Variants in CBLIF observed in about 807,000 individuals in gnomAD.
The protein encoded by CBLIF is cobalamin binding intrinsic factor, also known as gastric intrinsic factor (vitamin B synthesis).
Under a neutral mutation model 44.9 loss-of-function variants are expected in CBLIF, and 24 were observed. The ratio of observed to expected loss-of-function variants is 0.53; its 90% CI spans 0.39 to 0.75. CBLIF has a LOEUF of 0.75. CBLIF is among the 30% of genes least tolerant of loss of function. The pLI is 0.00. For missense variants in CBLIF, 481 were observed against 513.0 expected, an observed-to-expected ratio of 0.94 and a Z score of 0.60; for synonymous variants, 183 against 190.9, an observed-to-expected ratio of 0.96 and a Z score of 0.34.
chr11:59,838,806 C>G (rs958366731), intron 5 of CBLIF, among the ~76,000 whole-genome samples: 1 of 151,982 alleles, frequency 6.6e-6, no homozygotes, highest in Non-Finnish European at 1.5e-5. Flanking sequence ...TAATAACTTT[C>G]CATCAAGAAG....
chr11:59,834,249 TTTCTTTCTTTCTTTC>T (rs1866414297), intron 7 of CBLIF, among the ~76,000 whole-genome samples: 1 of 80,954 alleles, frequency 1.2e-5, no homozygotes, highest in African/African-American at 4.9e-5. Flanking sequence ...TTTTTCTTTC[TTTCTTTCTTTCTTTC>T]TTTCTTTCTT....
intron 1 of CBLIF, among the ~76,000 whole-genome samples, 156 bp from the exon 2 acceptor site, chr11:59,844,211 C>G (rs1385793849): frequency 6.6e-6 from 1 of 152,072 alleles, no homozygotes; most frequent in Non-Finnish European, 1.5e-5. Context: ...GATCTCGGCT[C>G]ACTGCAAACT....
intron 4 of CBLIF, 114 bp from the exon 5 acceptor site, chr11:59,841,438 G>T: frequency 1.3e-6 from 1 of 780,336 alleles, no homozygotes; most frequent in Non-Finnish European, 2.2e-6. Context: ...TTGCTCCTCA[G>T]AACAACCTGT....
At chr11:59,831,357 A>G (rs1866371292) in intron 8 of CBLIF, among the ~76,000 whole-genome samples, 1 of 152,084 alleles carries the variant, frequency 6.6e-6, no homozygotes, top group Non-Finnish European at 1.5e-5. Flanking sequence ...TTGATTATCC[A>G]CTTTTACATT....
At position 59,843,941 on chromosome 11, in the gene CBLIF, C is replaced by T; in HGVS notation, c.194G>A (p.Gly65Glu). The change falls in exon 2 of 9, where the codon GGA (glycine) becomes GAA (glutamate). Residue 65 changes from glycine (G) to glutamate (E), a missense_variant. By Grantham distance (98) the Gly-to-Glu change is moderately conservative. Transcript: ENST00000257248. Reference protein sequence around the residue: ...PSILIAMNLAGAYNLKAQKLL... With the variant: ...PSILIAMNLAEAYNLKAQKLL... ...CTTCTGGGCCTTCAAGTTGTAGGCTCCGGCCAGATTCATGGCAATCAGGAT... is the reference window on the plus strand; with the variant it reads ...CTTCTGGGCCTTCAAGTTGTAGGCTTCGGCCAGATTCATGGCAATCAGGAT... The T allele has an allele frequency of 6.2e-7, 1 of 1,613,530 alleles. No homozygotes were observed. The highest frequency in any genetic ancestry group is 8.5e-7 in the Non-Finnish European group (1 of 1,179,584).
intron 4 of CBLIF, 86 bp downstream of exon 4, chr11:59,842,357 C>A: frequency 6.9e-7 from 1 of 1,454,924 alleles, no homozygotes; most frequent in Non-Finnish European, 9.6e-7. Flanking sequence ...ATGGGACGCT[C>A]TCCTTTGTCA....
At position 59,837,300 on chromosome 11, in the gene CBLIF, T is replaced by C. The variant is rs1866468369; in HGVS notation, c.745A>G (p.Thr249Ala). 1 of 1,613,418 alleles carries C rather than the reference T, an allele frequency of 6.2e-7. No individual in the cohort carries two copies. Among genetic ancestry groups the C allele is most frequent in the Non-Finnish European group, 8.5e-7 (1 of 1,179,350 alleles). ...PSKKEWNCKKTTDMILNEIKQ... is the reference protein window; with the variant it reads ...PSKKEWNCKKATDMILNEIKQ... ...ATCTCATTGAGTATCATATCCGTAG[T>C]CTTCTTGCAGTTCCATTCCTTTTTA... Residue 249 changes from threonine (T) to alanine (A), a missense_variant, in exon 6 of 9, where the codon ACT becomes GCT. Thr to Ala is a moderately conservative substitution (Grantham distance 58). Coordinates refer to ENST00000257248, the MANE Select transcript of CBLIF (RefSeq NM_005142.3).
chr11:59,830,287 A>T (rs1437243929), intron 8 of CBLIF, among the ~76,000 whole-genome samples: 3 of 133,678 alleles, frequency 2.2e-5, no homozygotes, highest in Non-Finnish European at 4.6e-5. Context: ...CCCAAGCTGG[A>T]GTGCAGTGGT....
intron 8 of CBLIF, among the ~76,000 whole-genome samples, chr11:59,830,468 A>C (rs1333978947): frequency 1.3e-5 from 2 of 151,356 alleles, no homozygotes; most frequent in Non-Finnish European, 2.9e-5. Flanking sequence ...TGATCTCCTG[A>C]CCTCCTGATC....
intron 6 of CBLIF, among the ~76,000 whole-genome samples, chr11:59,836,809 A>C (rs1291870601): frequency 6.6e-6 from 1 of 152,232 alleles, no homozygotes; most frequent in Non-Finnish European, 1.5e-5. Flanking sequence ...ACTTTGTGAA[A>C]GGCAGATATG....
intron 5 of CBLIF, among the ~76,000 whole-genome samples, chr11:59,837,817 G>A (rs1423674582): frequency 1.3e-5 from 2 of 152,144 alleles, no homozygotes; most frequent in Non-Finnish European, 2.9e-5. Context: ...CTCATGACCT[G>A]GACTGGGCTG....
At chr11:59,835,211 T>C (rs1167304911) in intron 7 of CBLIF, among the ~76,000 whole-genome samples, 1 of 151,596 alleles carries the variant, frequency 6.6e-6, no homozygotes, top group African/African-American at 2.4e-5. Flanking sequence ...AATGGCATGA[T>C]CTCGGCTCAC....
chr11:59,833,273 T>C (rs552452821), intron 7 of CBLIF, among the ~76,000 whole-genome samples: 2 of 152,278 alleles, frequency 1.3e-5, no homozygotes, highest in South Asian at 4.1e-4. Context: ...TCCCAGCACT[T>C]TGGGAGGCTG....
chr11:59,841,125 C>T lies in CBLIF; in HGVS notation c.693+18G>A, dbSNP rs767669574. ...TTATTGGCAGGAACCCAACCAAGAG[C>T]ATCCAGCACGTGTTTACCTGCATGG... On this transcript the variant is annotated intron_variant, in intron 5 of 8. Coordinates refer to ENST00000257248, the MANE Select transcript of CBLIF (RefSeq NM_005142.3). 24 of 1,592,534 alleles carry T rather than the reference C, an allele frequency of 1.5e-5. 1 individual carries two copies. The South Asian group carries it at 2.6e-4, about 18-fold the overall frequency.
chr11:59,836,567 AG>A (rs1483152953), intron 6 of CBLIF, among the ~76,000 whole-genome samples: 2 of 152,198 alleles, frequency 1.3e-5, no homozygotes, highest in South Asian at 2.1e-4. Context: ...GTGGCATGCT[AG>A]GTTTCCACTC....
At chr11:59,832,999 C>G (rs1866391254) in intron 7 of CBLIF, among the ~76,000 whole-genome samples, 1 of 152,028 alleles carries the variant, frequency 6.6e-6, no homozygotes, top group South Asian at 2.1e-4. Flanking sequence ...ATGGATCACA[C>G]CTATTTGTAA....
At chr11:59,829,592 C>T (rs755560677) in intron 8 of CBLIF, 47 bp from the exon 9 acceptor site, 1 of 1,136,650 alleles carries the variant, frequency 8.8e-7, no homozygotes, top group South Asian at 1.2e-5. Context: ...GTGCATGTAA[C>T]CACCTCCATC....
At position 59,845,467 on chromosome 11, in the gene CBLIF, C is replaced by G. The variant is rs756597275; in HGVS notation, c.-14G>C. 2 of 1,560,348 alleles carry G rather than the reference C, an allele frequency of 1.3e-6. No individual in the cohort carries two copies. The highest frequency in any genetic ancestry group is 1.4e-5 in the African/African-American group (1 of 73,976). ...AAACCAGGCCATCTCACTCTCTCGT[C>G]TATGTCTCTCATCCACAGGTACCGC... On this transcript the variant is annotated 5_prime_UTR_variant, in exon 1 of 9. Transcript: ENST00000257248.
At chr11:59,841,670 A>C (rs1303209597) in intron 4 of CBLIF, among the ~76,000 whole-genome samples, 1 of 152,182 alleles carries the variant, frequency 6.6e-6, no homozygotes, top group Admixed American at 6.5e-5. Flanking sequence ...GTCTGTTCTT[A>C]ACCCCCAGGG....
Sources: allele counts gnomAD v4.1 joint callset (sites outside exome capture counted in the v4.1 genomes callset), GRCh38; gene constraint gnomAD v4.1.1; transcripts MANE v1.5; gene names NCBI Gene and HGNC (gene_info 2026-07-23, HGNC 2026-07-21).